Variants in ATF6 observed in about 807,000 individuals in gnomAD.
ATF6 encodes the protein activating transcription factor 6, also known as cyclic AMP-dependent transcription factor ATF-6 alpha.
A neutral mutation model predicts 83.6 loss-of-function variants in ATF6; 53 were observed. That is an observed-to-expected ratio of 0.63 (90% CI 0.51 to 0.80). The LOEUF (loss-of-function observed/expected upper bound fraction) is 0.80, where lower values mean the gene tolerates loss of function less well. Ranked by LOEUF, ATF6 falls within the 30% of genes least tolerant of loss-of-function variation. The probability of loss-of-function intolerance (pLI) is 0.00; values close to 1 mark genes in which losing one functional copy is unlikely to be tolerated. For missense variants in ATF6, 744 were observed against 797.9 expected, an observed-to-expected ratio of 0.93 and a Z score of 0.81; for synonymous variants, 288 against 285.8, an observed-to-expected ratio of 1.01 and a Z score of -0.08.
intron 15 of ATF6, among the ~76,000 whole-genome samples, chr1:161,948,068 C>A (rs1247756121): frequency 6.6e-6 from 1 of 151,480 alleles, no homozygotes; most frequent in Non-Finnish European, 1.5e-5. Flanking sequence ...AAGTGATCCA[C>A]CCCCCCGTCA....
chr1:161,842,341 G>GT (rs1557990191), intron 9 of ATF6, among the ~76,000 whole-genome samples: 1 of 152,182 alleles, frequency 6.6e-6, no homozygotes, highest in Non-Finnish European at 1.5e-5. Flanking sequence ...ACTACCATTT[G>GT]ATCCAGCAAT....
intron 15 of ATF6, among the ~76,000 whole-genome samples, chr1:161,944,330 G>A (rs1424997475): frequency 3.9e-5 from 6 of 152,160 alleles, no homozygotes; most frequent in African/African-American, 1.4e-4. Flanking sequence ...ATAAGTTACA[G>A]AACTTAAAAT....
chr1:161,895,161 C>G (rs956676605), intron 14 of ATF6, among the ~76,000 whole-genome samples: 2 of 152,060 alleles, frequency 1.3e-5, no homozygotes, highest in Admixed American at 1.3e-4. Context: ...TGCTTGAACC[C>G]AGGAGGCAGA....
chr1:161,779,058 A>G (rs1287577343), intron 2 of ATF6, among the ~76,000 whole-genome samples: 2 of 152,202 alleles, frequency 1.3e-5, no homozygotes, highest in Non-Finnish European at 1.5e-5. Flanking sequence ...CATTTCTTAA[A>G]CAATGATTTA....
At chr1:161,909,663 G>T (rs924955894) in intron 14 of ATF6, among the ~76,000 whole-genome samples, 1 of 151,994 alleles carries the variant, frequency 6.6e-6, no homozygotes, top group African/African-American at 2.4e-5. Context: ...TTTTTTTTAA[G>T]TGAACAGTAA....
In ATF6 at chr1:161,802,050, A is replaced by T; in HGVS notation, c.689-2A>T. On this transcript the variant is annotated splice_acceptor_variant, in intron 6 of 15. Transcript: ENST00000367942. LOFTEE classifies it high-confidence loss of function. ...TGATTCCTTTTCTTTTTTCTAACGCAGGCCAGACGGTTTTGCTGTCTCAGC... is the reference window on the plus strand; with the variant it reads ...TGATTCCTTTTCTTTTTTCTAACGCTGGCCAGACGGTTTTGCTGTCTCAGC... 1 of 1,613,938 alleles carries T rather than the reference A, an allele frequency of 6.2e-7. No homozygotes were observed. Among genetic ancestry groups the T allele is most frequent in the Non-Finnish European group, 8.5e-7 (1 of 1,179,922 alleles).
chr1:161,884,322 G>A (rs1222353523), intron 14 of ATF6, among the ~76,000 whole-genome samples: 1 of 151,918 alleles, frequency 6.6e-6, no homozygotes, highest in East Asian at 1.9e-4. Context: ...GAAGATGAAC[G>A]GTAGTGATAA....
intron 3 of ATF6, among the ~76,000 whole-genome samples, chr1:161,782,886 C>A (rs190314366): frequency 2.6e-5 from 4 of 152,160 alleles, no homozygotes; most frequent in Non-Finnish European, 2.9e-5. Context: ...TGGGTGCTTA[C>A]GAATTTTGAC....
In ATF6 at chr1:161,860,238, T is replaced by G. The variant is rs776026653; in HGVS notation, c.1565T>G (p.Leu522Arg). 1 of 1,596,420 alleles carries G rather than the reference T, an allele frequency of 6.3e-7. No individual in the cohort carries two copies. The highest frequency in any genetic ancestry group is 1.3e-5 in the African/African-American group (1 of 74,216). The part of the protein sequence containing the change: ...GALEQGSNSQ[L>R]MAVQYTETTS... ...CTGGAACAGGGCTCAAATTCTCAGC[T>G]GATGGCTGTTCAATACACAGAAACC... The change falls in exon 13 of 16, where the codon CTG (leucine) becomes CGG (arginine). Residue 522 changes from leucine to arginine, a missense_variant. Physicochemically the swap from Leu to Arg is moderately radical, Grantham distance 102. Coordinates refer to ENST00000367942, the MANE Select transcript of ATF6 (RefSeq NM_007348.4).
At chr1:161,909,124 A>C (rs1361955472) in intron 14 of ATF6, among the ~76,000 whole-genome samples, 2 of 152,222 alleles carry the variant, frequency 1.3e-5, no homozygotes, top group Non-Finnish European at 2.9e-5. Flanking sequence ...ATAAATTATA[A>C]GTTTATTTCT....
chr1:161,801,691 G>T (rs1227282743), intron 6 of ATF6, among the ~76,000 whole-genome samples: 1 of 152,054 alleles, frequency 6.6e-6, no homozygotes, highest in Non-Finnish European at 1.5e-5. Context: ...CAGTGTAAAA[G>T]ATTTGTTATT....
intron 15 of ATF6, among the ~76,000 whole-genome samples, chr1:161,925,974 G>A (rs1688303093): frequency 6.6e-6 from 1 of 152,154 alleles, no homozygotes; most frequent in Non-Finnish European, 1.5e-5. Flanking sequence ...AGGTACAGAT[G>A]AAGCTGCAGA....
chr1:161,836,973 G>A (rs982460800), intron 9 of ATF6, among the ~76,000 whole-genome samples: 3 of 152,160 alleles, frequency 2.0e-5, no homozygotes, highest in Non-Finnish European at 4.4e-5. Context: ...TGAGTACTTC[G>A]ATATGTTCTT....
intron 12 of ATF6, 53 bp downstream of exon 12, chr1:161,853,376 C>A: frequency 1.4e-6 from 2 of 1,410,848 alleles, no homozygotes; most frequent in South Asian, 2.4e-5. Flanking sequence ...TGGAAGGCTT[C>A]TCCCAGCTGG....
In ATF6 at chr1:161,962,223, G is replaced by A. The variant is rs970948721; in HGVS notation, c.*3569G>A. 6.6e-6 allele frequency: 1 copy of A among 152,112 alleles called. No individual in the cohort carries two copies. The highest frequency in any genetic ancestry group is 1.5e-5 in the Non-Finnish European group (1 of 68,036). 9.4% of individuals were successfully genotyped at this position (152,112 alleles called of 1,614,324 possible). ...TGACACGGAGGTATTTGAAAGCAATGTTATGTGAGTCATTCTTAAGTGTTC... is the reference window on the plus strand; with the variant it reads ...TGACACGGAGGTATTTGAAAGCAATATTATGTGAGTCATTCTTAAGTGTTC... On this transcript the variant is annotated 3_prime_UTR_variant, in exon 16 of 16. Transcript: ENST00000367942.
chr1:161,933,943 C>A (rs1266996412), intron 15 of ATF6, among the ~76,000 whole-genome samples: 1 of 152,146 alleles, frequency 6.6e-6, no homozygotes, highest in Admixed American at 6.5e-5. Context: ...AGCATCACTA[C>A]CATAAAGAAG....
intron 14 of ATF6, 106 bp downstream of exon 14, chr1:161,863,418 C>A: frequency 1.3e-6 from 1 of 742,960 alleles, no homozygotes; most frequent in Non-Finnish European, 2.4e-6. Context: ...AAATAGGAAG[C>A]AATATAAAAT....
chr1:161,783,894 A>G, intron 3 of ATF6, 96 bp from the exon 4 acceptor site: 1 of 880,642 alleles, frequency 1.1e-6, no homozygotes, highest in Non-Finnish European at 1.8e-6. Flanking sequence ...TCCATATCTG[A>G]TTGAATTTTA....
In ATF6 at chr1:161,807,756, T is replaced by G. The variant is rs139635698; in HGVS notation, c.909+5484T>G. Among the ~76,000 whole-genome samples the G allele has an allele frequency of 6.2e-3, 942 of 152,228 alleles. 5 individuals carry two copies. The highest frequency in any genetic ancestry group is 0.012 in the East Asian group (63 of 5,190). Reference sequence around the variant, plus strand: ...TGGAAGGGGAAGTGAACAGCTTTTTTTTGTTGTTGTTTATTTTTCCTTCCT... The same window carrying G: ...TGGAAGGGGAAGTGAACAGCTTTTTGTTGTTGTTGTTTATTTTTCCTTCCT... On this transcript the variant is annotated intron_variant, in intron 7 of 15. Transcript: ENST00000367942.
Sources: allele counts gnomAD v4.1 joint callset (sites outside exome capture counted in the v4.1 genomes callset), GRCh38; gene constraint gnomAD v4.1.1; transcripts MANE v1.5; gene names NCBI Gene and HGNC (gene_info 2026-07-23, HGNC 2026-07-21).